The following RIMKLB variants were observed in gnomAD, a reference collection of about 807,000 sequenced individuals.
The protein encoded by RIMKLB is ribosomal modification protein rimK like family member B.
RIMKLB carries 7 observed loss-of-function variants against 32.0 expected under a neutral mutation model. The observed-to-expected ratio is 0.22, with a 90% confidence interval of 0.12 to 0.41. The LOEUF (loss-of-function observed/expected upper bound fraction) is 0.41. RIMKLB is among the 10% of genes least tolerant of loss of function. The probability of loss-of-function intolerance (pLI) is 1.00; values close to 1 mark genes in which losing one functional copy is unlikely to be tolerated. For missense variants in RIMKLB, 289 were observed against 498.7 expected (o/e 0.58, Z 4.00); for synonymous variants, 172 against 185.1 (o/e 0.93, Z 0.57).
chr12:8,757,109 A>G (rs867910460), intron 5 of RIMKLB, among the ~76,000 whole-genome samples: 4 of 152,156 alleles, frequency 2.6e-5, no homozygotes, highest in Non-Finnish European at 4.4e-5. Flanking sequence ...CTTTTCTTTT[A>G]TGAGTCACTT....
At chr12:8,779,587 A>G (rs1448802240), downstream of RIMKLB, 2 of 152,184 alleles carry the variant, frequency 1.3e-5, no homozygotes, top group South Asian at 2.1e-4. Flanking sequence ...TGCTTATGTC[A>G]GTATTTGTTT....
chr12:8,751,967 A>G lies in RIMKLB; in HGVS notation c.417A>G (p.Glu139=). Residue 139 remains glutamate (E), a synonymous_variant, in exon 4 of 6, where the codon GAA becomes GAG. Transcript: ENST00000535829. The stretch of plus-strand genomic sequence containing the variant: ...TATTGCTCAAACCAGGTGGCCACGA[A>G]AATTTTGCTAAAATGATTGATGAGG... ...LPDTFSYGGH[E]NFAKMIDEAE... The G allele has an allele frequency of 6.2e-7, 1 of 1,613,026 alleles. No individual in the cohort carries two copies. Among genetic ancestry groups the G allele is most frequent in the Non-Finnish European group, 8.5e-7 (1 of 1,179,244 alleles).
upstream of RIMKLB, among the ~76,000 whole-genome samples, chr12:8,681,111 C>G (rs535527024): frequency 6.6e-6 from 1 of 151,946 alleles, no homozygotes; most frequent in East Asian, 1.9e-4. Context: ...TAGGTCCATA[C>G]CACCACGCCC....
intron 5 of RIMKLB, among the ~76,000 whole-genome samples, chr12:8,755,710 T>C (rs1238179333): frequency 6.6e-6 from 1 of 152,034 alleles, no homozygotes; most frequent in Non-Finnish European, 1.5e-5. Context: ...CAGCCTTTGC[T>C]CAAAATCCTC....
intron 4 of RIMKLB, 48 bp downstream of exon 4, chr12:8,752,091 C>A: frequency 8.4e-7 from 1 of 1,190,362 alleles, no homozygotes; most frequent in Non-Finnish European, 1.2e-6. Flanking sequence ...ACTATTCTTG[C>A]TTATTAATAT....
At chr12:8,698,962 A>C (rs1226697862) in intron 1 of RIMKLB, among the ~76,000 whole-genome samples, 15 of 147,816 alleles carry the variant, frequency 1.0e-4, no homozygotes, top group East Asian at 4.0e-4. Flanking sequence ...ACCCCCCCCC[A>C]AAAAAAACCC....
At chr12:8,680,788 ACT>A (rs1942394905), upstream of RIMKLB, among the ~76,000 whole-genome samples, 1 of 152,162 alleles carries the variant, frequency 6.6e-6, no homozygotes, top group Admixed American at 6.5e-5. Flanking sequence ...ACAGCCAGGG[ACT>A]CTCATTCCCA....
intron 1 of RIMKLB, among the ~76,000 whole-genome samples, chr12:8,698,523 G>A (rs1241149210): frequency 5.3e-5 from 8 of 152,088 alleles, no homozygotes; most frequent in African/African-American, 1.9e-4. Context: ...CGCGTGTGCC[G>A]GGAGGCGCCG....
At chr12:8,749,803 C>T (rs1350768643) in intron 2 of RIMKLB, 59 bp from the exon 3 acceptor site, 3 of 1,088,314 alleles carry the variant, frequency 2.8e-6, no homozygotes, top group African/African-American at 3.1e-5. Context: ...TATTACTATT[C>T]CTCTATTTTG....
chr12:8,700,845 C>A (rs907002509), intron 1 of RIMKLB, among the ~76,000 whole-genome samples: 1 of 152,114 alleles, frequency 6.6e-6, no homozygotes, highest in Non-Finnish European at 1.5e-5. Flanking sequence ...GCAAGCTGAT[C>A]ACTTGAGGTC....
chr12:8,766,320 G>T (rs72475427), intron 5 of RIMKLB, among the ~76,000 whole-genome samples: 3 of 152,112 alleles, frequency 2.0e-5, no homozygotes, highest in South Asian at 4.2e-4. Context: ...AAAGGGGTCC[G>T]GCTGCTGGAT....
chr12:8,698,493 G>C (rs1943060957), intron 1 of RIMKLB, among the ~76,000 whole-genome samples, 196 bp downstream of exon 1: 1 of 152,116 alleles, frequency 6.6e-6, no homozygotes, highest in Non-Finnish European at 1.5e-5. Context: ...GGTGGGGAGC[G>C]AGGCGGGGCC....
intron 1 of RIMKLB, among the ~76,000 whole-genome samples, chr12:8,700,950 C>G (rs184105862): frequency 7.7e-4 from 117 of 152,164 alleles, no homozygotes; most frequent in African/African-American, 2.6e-3. Context: ...CCTGTAGTCA[C>G]AGCTACTCAG....
intron 1 of RIMKLB, among the ~76,000 whole-genome samples, chr12:8,706,173 C>T (rs1460043722): frequency 1.3e-5 from 2 of 152,108 alleles, no homozygotes; most frequent in African/African-American, 4.8e-5. Context: ...GAGTTTTGCC[C>T]TTGTCACCCA....
chr12:8,752,460 G>T (rs911589808), intron 4 of RIMKLB, among the ~76,000 whole-genome samples: 1 of 152,048 alleles, frequency 6.6e-6, no homozygotes, highest in South Asian at 2.1e-4. Flanking sequence ...GCTGAGGGAA[G>T]AGAATTGCTT....
intron 5 of RIMKLB, among the ~76,000 whole-genome samples, chr12:8,755,200 C>T (rs1328482981): frequency 2.0e-5 from 3 of 152,162 alleles, no homozygotes; most frequent in Non-Finnish European, 4.4e-5. Context: ...ATATGCCTGC[C>T]TCGGCCTCCC....
At chr12:8,694,335 C>T (rs973895817), upstream of RIMKLB, among the ~76,000 whole-genome samples, 73 of 151,954 alleles carry the variant, frequency 4.8e-4, no homozygotes, top group Non-Finnish European at 8.8e-4. Flanking sequence ...GTCTCAGCCT[C>T]CCAAACTGCT....
At chr12:8,722,042 C>T (rs568573864) in intron 2 of RIMKLB, among the ~76,000 whole-genome samples, 117 of 152,162 alleles carry the variant, frequency 7.7e-4, no homozygotes, top group African/African-American at 2.6e-3. Flanking sequence ...CCGCGCCTGG[C>T]CTATGAGTGT....
rs141953436 is a variant in RIMKLB at position 8,690,373 on chromosome 12, C to CAT, written n.219+8555_219+8556insAT. ...ATAATGTATGTACCATTATTTTTCA[C>CAT]GTTAGTAAATGCTACTGAAGCATGA... On this transcript the variant is annotated intron_variant and non_coding_transcript_variant, in intron 1 of 1. Coordinates refer to the RIMKLB transcript ENST00000538758. Among the ~76,000 whole-genome samples, 744 of 152,212 alleles carry CAT rather than the reference C, an allele frequency of 4.9e-3. 5 individuals carry two copies. The highest frequency in any genetic ancestry group is 0.017 in the East Asian group (89 of 5,184).
Sources: gnomAD v4.1 joint callset for allele counts (sites outside exome capture counted in the v4.1 genomes callset) on GRCh38, gnomAD v4.1.1 for gene constraint, MANE v1.5 for transcripts, NCBI Gene and HGNC (gene_info 2026-07-23, HGNC 2026-07-21) for gene names.